The following THSD7A variants were observed in gnomAD, a reference collection of about 807,000 sequenced individuals.
THSD7A encodes thrombospondin type-1 domain-containing protein 7A.
In THSD7A, 96 loss-of-function variants were observed where a neutral mutation model predicts 231.3. The ratio of observed to expected loss-of-function variants is 0.41; its 90% CI spans 0.35 to 0.49. THSD7A has a LOEUF of 0.49. THSD7A is among the 20% of genes least tolerant of loss of function. The probability of loss-of-function intolerance (pLI) is 0.05; values close to 1 mark genes in which losing one functional copy is unlikely to be tolerated. For missense variants in THSD7A, 2,290 were observed against 2,070.2 expected, an observed-to-expected ratio of 1.11 and a Z score of -2.06; for synonymous variants, 940 against 743.3, an observed-to-expected ratio of 1.26 and a Z score of -4.30.
At chr7:11,721,298 A>T (rs906985150) in intron 1 of THSD7A, among the ~76,000 whole-genome samples, 1 of 151,716 alleles carries the variant, frequency 6.6e-6, no homozygotes. Context: ...TGGCTGGTGG[A>T]AGGTGATTGG....
intron 7 of THSD7A, among the ~76,000 whole-genome samples, chr7:11,477,789 T>A (rs1786254222): frequency 6.6e-6 from 1 of 152,152 alleles, no homozygotes; most frequent in Non-Finnish European, 1.5e-5. Flanking sequence ...ACAATAGTAT[T>A]AGAAACCAAG....
chr7:11,738,690 G>T (rs541638713), intron 1 of THSD7A, among the ~76,000 whole-genome samples: 1 of 152,114 alleles, frequency 6.6e-6, no homozygotes, highest in South Asian at 2.1e-4. Context: ...GGAAGGGGCA[G>T]AAGAGGTCAG....
intron 4 of THSD7A, among the ~76,000 whole-genome samples, chr7:11,569,204 T>C (rs1324146440): frequency 6.6e-6 from 1 of 152,108 alleles, no homozygotes; most frequent in Non-Finnish European, 1.5e-5. Flanking sequence ...AATAAAATGT[T>C]TCTGCACAGT....
chr7:11,774,515 CACACACACA>C (rs1783337854), intron 1 of THSD7A, among the ~76,000 whole-genome samples: 1 of 140,386 alleles, frequency 7.1e-6, no homozygotes, highest in Non-Finnish European at 1.6e-5. Context: ...CACACACACA[CACACACACA>C]CTCTGACACA....
At chr7:11,643,471 T>C (rs1240759600) in intron 1 of THSD7A, among the ~76,000 whole-genome samples, 1 of 152,116 alleles carries the variant, frequency 6.6e-6, no homozygotes. Flanking sequence ...GTCCTTCTAC[T>C]AGGCAATTAA....
At chr7:11,524,118 A>G (rs10249403) in intron 6 of THSD7A, among the ~76,000 whole-genome samples, 37,437 of 152,022 alleles carry the variant, frequency 0.25, 5,507 homozygotes, top group African/African-American at 0.41. Flanking sequence ...GTATTTCTTT[A>G]TTGCAATGTT....
Position 11,590,335 on chromosome 7 carries a change from C to G in THSD7A, c.1453+125G>C, listed in dbSNP as rs1209656009. 1 of 926,900 alleles carries G rather than the reference C, an allele frequency of 1.1e-6. No homozygotes were observed. The highest frequency in any genetic ancestry group is 1.7e-5 in the African/African-American group (1 of 59,424). The allele number at this position is 926,900 out of a possible 1,614,324, so 57.4% of individuals were successfully genotyped here. A position where few individuals can be genotyped will look rare whatever the true frequency, so the allele number is the denominator to read the frequency against. ...GGATTACTGTTTACCATAGTGAATA[C>G]CAACCACAATGTGAACAGAAATGCA... is the stretch of plus-strand genomic sequence containing the variant. On this transcript the variant is annotated intron_variant, in intron 4 of 27. Coordinates refer to ENST00000423059, the MANE Select transcript of THSD7A (RefSeq NM_015204.3). This position sits in a 1 kb window ranked among gnomAD's most constrained non-coding sequence, Gnocchi z 4.4.
chr7:11,532,919 G>A (rs933384015), intron 6 of THSD7A, among the ~76,000 whole-genome samples: 1 of 152,096 alleles, frequency 6.6e-6, no homozygotes, highest in African/African-American at 2.4e-5. Context: ...AAATTAATCT[G>A]GGATATAGCT....
At chr7:11,491,341 C>T (rs1786883714) in intron 6 of THSD7A, among the ~76,000 whole-genome samples, 1 of 152,002 alleles carries the variant, frequency 6.6e-6, no homozygotes, top group Non-Finnish European at 1.5e-5. Flanking sequence ...GAAAGTTGTA[C>T]TACACAATAT....
At position 11,636,977 on chromosome 7, in the gene THSD7A, C is replaced by T. The variant is rs1263780624; in HGVS notation, c.191-16G>A. On this transcript the variant is annotated splice_polypyrimidine_tract_variant and intron_variant, in intron 1 of 27. Transcript: ENST00000423059. This position sits in a 1 kb window ranked among gnomAD's most constrained non-coding sequence, Gnocchi z 10.0. Reference sequence around the variant, plus strand: ...CCCCATGGACCTACAAAAATTATAACACAAAAATTAGCAGTGCTACTAGAA... The same window carrying T: ...CCCCATGGACCTACAAAAATTATAATACAAAAATTAGCAGTGCTACTAGAA... 1.9e-6 allele frequency: 3 copies of T among 1,585,042 alleles called. No individual in the cohort carries two copies. The highest frequency in any genetic ancestry group is 2.6e-6 in the Non-Finnish European group (3 of 1,169,216).
chr7:11,528,350 C>A (rs1469705313), intron 6 of THSD7A, among the ~76,000 whole-genome samples: 1 of 152,084 alleles, frequency 6.6e-6, no homozygotes, highest in African/African-American at 2.4e-5. Context: ...TGGATATATT[C>A]TCTCTGTTAG....
At chr7:11,507,043 C>G (rs140369720) in intron 6 of THSD7A, among the ~76,000 whole-genome samples, 2 of 152,020 alleles carry the variant, frequency 1.3e-5, no homozygotes, top group African/African-American at 4.8e-5. Context: ...TTTAAAAGTT[C>G]CTGACACACA....
At chr7:11,420,764 C>A (rs999353139) in intron 16 of THSD7A, among the ~76,000 whole-genome samples, 1 of 152,214 alleles carries the variant, frequency 6.6e-6, no homozygotes, top group African/African-American at 2.4e-5. Flanking sequence ...ATGAAAGCAG[C>A]CTTGGGGGCT....
chr7:11,412,650 A>G lies in THSD7A; in HGVS notation c.3682+6T>C, dbSNP rs772781090. The G allele has an allele frequency of 3.1e-6, 5 of 1,613,706 alleles. No individual in the cohort carries two copies. In the South Asian group the frequency reaches 4.4e-5, roughly 14 times the overall value. On this transcript the variant is annotated splice_donor_region_variant and intron_variant, in intron 18 of 27. Transcript: ENST00000423059. ...TAACTCCGTGATCAGATGATGATCC[A>G]TGTACCTGTTACATTATAATCATAG...
intron 1 of THSD7A, among the ~76,000 whole-genome samples, chr7:11,666,924 A>G (rs1211984373): frequency 6.6e-6 from 1 of 152,060 alleles, no homozygotes; most frequent in African/African-American, 2.4e-5. Context: ...TATTAAAATA[A>G]GTCAAAAAAA....
At chr7:11,592,207 C>A (rs1299101538) in intron 3 of THSD7A, among the ~76,000 whole-genome samples, 1 of 152,108 alleles carries the variant, frequency 6.6e-6, no homozygotes, top group African/African-American at 2.4e-5. Context: ...CACATTAGAA[C>A]ACAATGGATG....
intron 6 of THSD7A, among the ~76,000 whole-genome samples, chr7:11,512,781 G>C (rs1375217026): frequency 1.1e-4 from 12 of 114,168 alleles, no homozygotes; most frequent in Admixed American, 4.6e-4. Flanking sequence ...CCTGTCATGG[G>C]GCGGGGGGAG....
chr7:11,788,192 T>C (rs926932098), intron 1 of THSD7A, among the ~76,000 whole-genome samples: 3 of 152,136 alleles, frequency 2.0e-5, no homozygotes, highest in African/African-American at 7.2e-5. Flanking sequence ...TTAATATCTC[T>C]TGCCTGTATC....
chr7:11,488,938 G>A (rs181644562), intron 6 of THSD7A, among the ~76,000 whole-genome samples: 10 of 147,510 alleles, frequency 6.8e-5, no homozygotes, highest in Non-Finnish European at 1.4e-4. Context: ...TTTAGGACTC[G>A]GTTTTCTTCC....
Sources: allele counts gnomAD v4.1 joint callset (sites outside exome capture counted in the v4.1 genomes callset), GRCh38; gene constraint gnomAD v4.1.1; non-coding constraint Gnocchi (gnomAD v3.1); transcripts MANE v1.5; gene names NCBI Gene and HGNC (gene_info 2026-07-23, HGNC 2026-07-21).